The following CFAP61 variants were observed in gnomAD, a reference collection of about 807,000 sequenced individuals.
The protein encoded by CFAP61 is cilia- and flagella-associated protein 61.
CFAP61 carries 107 observed loss-of-function variants against 135.6 expected under a neutral mutation model. The observed-to-expected ratio is 0.79, with a 90% confidence interval of 0.67 to 0.93. CFAP61 has a LOEUF of 0.93. Among genes scored for constraint, CFAP61 ranks in the 40% least tolerant of loss-of-function variants. CFAP61 has a pLI of 0.00. For missense variants in CFAP61, 1,507 were observed against 1,556.2 expected, an observed-to-expected ratio of 0.97 and a Z score of 0.53; for synonymous variants, 575 against 578.5, an observed-to-expected ratio of 0.99 and a Z score of 0.09.
At chr20:20,275,751 C>T (rs2053705508) in intron 21 of CFAP61, among the ~76,000 whole-genome samples, 1 of 152,196 alleles carries the variant, frequency 6.6e-6, no homozygotes, top group Non-Finnish European at 1.5e-5. Context: ...AGACCTAAAA[C>T]CTTTTATAGT....
chr20:20,306,077 A>T (rs1233699966), intron 25 of CFAP61, among the ~76,000 whole-genome samples: 1 of 152,170 alleles, frequency 6.6e-6, no homozygotes, highest in Non-Finnish European at 1.5e-5. Flanking sequence ...GGTCTTTTTT[A>T]GCATATGTCA....
At chr20:20,312,340 T>C (rs1024501591) in intron 25 of CFAP61, among the ~76,000 whole-genome samples, 3 of 152,174 alleles carry the variant, frequency 2.0e-5, no homozygotes, top group Admixed American at 1.3e-4. Flanking sequence ...AATCAAACTT[T>C]TAGAGATGAA....
chr20:20,331,380 A>T (rs2057986056), intron 25 of CFAP61, among the ~76,000 whole-genome samples: 1 of 152,224 alleles, frequency 6.6e-6, no homozygotes. Flanking sequence ...TGACAAAAAA[A>T]AGTGAAGAAA....
intron 1 of CFAP61, among the ~76,000 whole-genome samples, chr20:20,055,567 T>A (rs998244293): frequency 6.6e-6 from 1 of 152,226 alleles, no homozygotes; most frequent in African/African-American, 2.4e-5. Flanking sequence ...TTGGAGAATT[T>A]CCCTCGCTCG....
At chr20:20,176,782 A>G (rs995037080) in intron 13 of CFAP61, among the ~76,000 whole-genome samples, 3 of 152,162 alleles carry the variant, frequency 2.0e-5, no homozygotes, top group Non-Finnish European at 4.4e-5. Context: ...CTTAATACCT[A>G]GGTGATGGGT....
chr20:20,100,448 C>T (rs577579949), intron 8 of CFAP61, among the ~76,000 whole-genome samples: 3 of 152,276 alleles, frequency 2.0e-5, no homozygotes, highest in Admixed American at 2.0e-4. Context: ...GCTGGGATTA[C>T]AGGTGTGAGC....
At chr20:20,212,943 A>G (rs2047760503) in intron 17 of CFAP61, among the ~76,000 whole-genome samples, 1 of 152,214 alleles carries the variant, frequency 6.6e-6, no homozygotes, top group Non-Finnish European at 1.5e-5. Context: ...ACAGTACACA[A>G]ACAGACCAGG....
At chr20:20,089,372 TA>T (rs2047018982) in intron 6 of CFAP61, among the ~76,000 whole-genome samples, 1 of 151,308 alleles carries the variant, frequency 6.6e-6, no homozygotes, top group African/African-American at 2.5e-5. Flanking sequence ...ATCATCTGGA[TA>T]AAGCCCTGAG....
intron 10 of CFAP61, among the ~76,000 whole-genome samples, chr20:20,162,586 T>C (rs1013470897): frequency 1.3e-5 from 2 of 152,034 alleles, no homozygotes; most frequent in African/African-American, 4.8e-5. Flanking sequence ...TATGAGGGCC[T>C]AAATGATGAA....
At chr20:20,253,859 GT>G in intron 20 of CFAP61, 1 of 178,700 alleles carries the variant, frequency 5.6e-6, no homozygotes, top group Non-Finnish European at 1.2e-5. Context: ...ACAGGAAGAT[GT>G]TACATTTCTA....
intron 17 of CFAP61, among the ~76,000 whole-genome samples, chr20:20,226,711 T>C (rs1045968004): frequency 6.6e-6 from 1 of 152,178 alleles, no homozygotes; most frequent in Non-Finnish European, 1.5e-5. Context: ...CAAGAAGGCT[T>C]CTCTTCTTCA....
intron 6 of CFAP61, among the ~76,000 whole-genome samples, chr20:20,077,838 T>A (rs944934224): frequency 2.0e-5 from 3 of 152,196 alleles, no homozygotes; most frequent in Non-Finnish European, 2.9e-5. Flanking sequence ...GTTCTTATTG[T>A]GCAGATGAGG....
intron 8 of CFAP61, among the ~76,000 whole-genome samples, chr20:20,131,054 C>T (rs899754699): frequency 1.3e-5 from 2 of 151,784 alleles, no homozygotes; most frequent in African/African-American, 4.9e-5. Context: ...ATTTTCCATA[C>T]ACTTGTACTG....
chr20:20,205,846 T>C (rs1282238230), intron 17 of CFAP61, among the ~76,000 whole-genome samples: 2 of 152,206 alleles, frequency 1.3e-5, no homozygotes, highest in Non-Finnish European at 2.9e-5. Context: ...TACAAAATTA[T>C]GGTGGCAGCT....
chr20:20,274,342 C>G (rs1165439530), intron 21 of CFAP61, among the ~76,000 whole-genome samples: 3 of 152,160 alleles, frequency 2.0e-5, no homozygotes, highest in Non-Finnish European at 4.4e-5. Flanking sequence ...AAAGAATAAC[C>G]TCCCACAGAA....
At chr20:20,141,349 T>G (rs2051386148) in intron 8 of CFAP61, among the ~76,000 whole-genome samples, 1 of 152,258 alleles carries the variant, frequency 6.6e-6, no homozygotes, top group African/African-American at 2.4e-5. Context: ...AGCATCCTGC[T>G]CTTGTCATGA....
rs373069233 is a variant in CFAP61 at position 20,147,774 on chromosome 20, G to GT, written c.951+4837dup. ...GGTCCAATTTATTTGTTGGTTTTTT[G>GT]TTTTTTTTTTTGCATTTGCTTTTGG... On this transcript the variant is annotated intron_variant, in intron 9 of 26. Transcript: ENST00000245957. 1.3e-3 allele frequency among the ~76,000 whole-genome samples: 189 copies of GT among 150,688 alleles called. 2 individuals carry two copies. Among genetic ancestry groups the GT allele is most frequent in the African/African-American group, 3.9e-3 (160 of 41,258 alleles).
chr20:20,275,262 G>A (rs2053660520), intron 21 of CFAP61, among the ~76,000 whole-genome samples: 1 of 152,232 alleles, frequency 6.6e-6, no homozygotes, highest in East Asian at 1.9e-4. Context: ...CCACAGGTGT[G>A]TAGACCACCC....
rs2052622590 is a variant in CFAP61, at chr20:20,265,326, A to C, written c.2503+2196A>C. 4 of 777,438 alleles carry C rather than the reference A, an allele frequency of 5.1e-6. No homozygotes were observed. The African/African-American group carries it at 6.8e-5, about 13-fold the overall frequency. 48.2% of individuals were successfully genotyped at this position (777,438 alleles called of 1,614,324 possible). ...GTGGCACTGCAAGGTCTTAAGGTGG[A>C]ATATTGATAGCAGAGAATTTAGAAA... On this transcript the variant is annotated intron_variant, in intron 21 of 26. Transcript: ENST00000245957.
Sources: gnomAD v4.1 joint callset for allele counts (sites outside exome capture counted in the v4.1 genomes callset) on GRCh38, gnomAD v4.1.1 for gene constraint, MANE v1.5 for transcripts, NCBI Gene and HGNC (gene_info 2026-07-23, HGNC 2026-07-21) for gene names.